GABRA3: variants seen among roughly 807,000 people sequenced by gnomAD.
GABRA3 encodes the protein gamma-aminobutyric acid type A receptor subunit alpha3, also known as gamma-aminobutyric acid receptor subunit alpha-3.
GABRA3 carries 10 observed loss-of-function variants against 30.1 expected under a neutral mutation model. The observed-to-expected ratio is 0.33, with a 90% CI of 0.20 to 0.56. GABRA3 has a LOEUF of 0.56. GABRA3 is among the 20% of genes least tolerant of loss of function. The pLI is 0.89. For synonymous variants in GABRA3, 151 were observed against 146.8 expected (o/e 1.03, Z -0.21); for missense variants, 233 against 392.0 (o/e 0.59, Z 3.42).
intron 2 of GABRA3, 115 bp from the exon 3 acceptor site, chrX:152,345,817 C>G: frequency 1.6e-6 from 1 of 627,395 alleles, no homozygotes; most frequent in South Asian, 4.1e-5. Flanking sequence ...TTACATAGAC[C>G]TATATCTTAT....
At chrX:152,358,022 C>G (rs977417253) in intron 2 of GABRA3, among the ~76,000 whole-genome samples, 2 of 111,056 alleles carry the variant, frequency 1.8e-5, no homozygotes, top group African/African-American at 6.6e-5. Flanking sequence ...TTAGGATTAC[C>G]TTGGCTATTT....
At chrX:152,238,392 T>C (rs1240515550) in intron 5 of GABRA3, among the ~76,000 whole-genome samples, 1 of 104,712 alleles carries the variant, frequency 9.6e-6, no homozygotes, top group Non-Finnish European at 1.9e-5. Flanking sequence ...GGATTCGTTT[T>C]GCCAGTATTT....
intron 6 of GABRA3, among the ~76,000 whole-genome samples, chrX:152,211,955 C>T (rs1336944470): frequency 9.1e-6 from 1 of 110,058 alleles, no homozygotes; most frequent in Non-Finnish European, 1.9e-5. Context: ...TCACTGGAGT[C>T]ACAGGCCAGA....
intron 1 of GABRA3, among the ~76,000 whole-genome samples, chrX:152,397,064 C>T (rs1478515616): frequency 8.9e-6 from 1 of 111,739 alleles, no homozygotes; most frequent in Admixed American, 9.5e-5. Context: ...ATCATGTTAA[C>T]ACAGCATTGG....
Position 152,184,641 on chromosome X carries a change from C to T in GABRA3, c.1143+5089G>A, listed in dbSNP as rs188784354. On this transcript the variant is annotated intron_variant, in intron 9 of 9. Coordinates refer to ENST00000370314, the MANE Select transcript of GABRA3 (RefSeq NM_000808.4). ...TCTAGCGCTTCCTAACACTGAATTTCTCCCGGGTTATGTTTTACTGCAGTT... is the reference window on the plus strand; with the variant it reads ...TCTAGCGCTTCCTAACACTGAATTTTTCCCGGGTTATGTTTTACTGCAGTT... 2.8e-3 allele frequency among the ~76,000 whole-genome samples: 313 copies of T among 111,257 alleles called. 4 individuals carry two copies. Among genetic ancestry groups the T allele is most frequent in the Non-Finnish European group, 2.0e-3 (105 of 52,983 alleles).
At chrX:152,307,797 G>A (rs916534264) in intron 3 of GABRA3, among the ~76,000 whole-genome samples, 9 of 111,656 alleles carry the variant, frequency 8.1e-5, no homozygotes, top group African/African-American at 2.9e-4. Context: ...GCATGGAGTA[G>A]CCCACTCTCG....
At chrX:152,408,731 C>T (rs1929995636) in intron 1 of GABRA3, among the ~76,000 whole-genome samples, 1 of 101,516 alleles carries the variant, frequency 9.9e-6, no homozygotes, top group African/African-American at 3.6e-5. Context: ...TATGGAACCA[C>T]AACCACCAAG....
chrX:152,377,922 G>A (rs1929038795), intron 1 of GABRA3, among the ~76,000 whole-genome samples: 1 of 111,556 alleles, frequency 9.0e-6, no homozygotes, highest in Non-Finnish European at 1.9e-5. Flanking sequence ...GTTTGAACAG[G>A]GCATAGACAA....
intron 1 of GABRA3, among the ~76,000 whole-genome samples, chrX:152,416,105 T>G (rs1930209326): frequency 9.5e-6 from 1 of 105,293 alleles, no homozygotes; most frequent in Non-Finnish European, 2.0e-5. Flanking sequence ...GATGACATGA[T>G]TGTATATCTA....
chrX:152,233,819 G>A (rs1309536924), intron 5 of GABRA3, among the ~76,000 whole-genome samples: 1 of 105,402 alleles, frequency 9.5e-6, no homozygotes, highest in Non-Finnish European at 1.9e-5. Flanking sequence ...ATGATAGACT[G>A]GATTAAGAAA....
At chrX:152,252,783 T>A (rs926940018) in intron 5 of GABRA3, among the ~76,000 whole-genome samples, 5 of 111,374 alleles carry the variant, frequency 4.5e-5, no homozygotes, top group Non-Finnish European at 9.4e-5. Flanking sequence ...ACCCACTCGC[T>A]TCTATGTCAT....
At chrX:152,310,697 AC>A (rs1485179463) in intron 3 of GABRA3, among the ~76,000 whole-genome samples, 3 of 111,603 alleles carry the variant, frequency 2.7e-5, no homozygotes, top group Non-Finnish European at 5.7e-5. Context: ...GAAGAAAAAA[AC>A]AATAACCAAA....
chrX:152,233,169 T>G (rs1482267179), intron 5 of GABRA3, among the ~76,000 whole-genome samples: 2 of 110,218 alleles, frequency 1.8e-5, no homozygotes, highest in African/African-American at 6.6e-5. Flanking sequence ...TTTTTTTTCT[T>G]GTACATTTGT....
At chrX:152,199,064 G>C (rs762830768) in intron 7 of GABRA3, among the ~76,000 whole-genome samples, 1 of 111,548 alleles carries the variant, frequency 9.0e-6, no homozygotes, top group Non-Finnish European at 1.9e-5. Context: ...AGAAGGATAC[G>C]TAAAAAGCAG....
At chrX:152,415,847 C>T (rs1449132278) in intron 1 of GABRA3, among the ~76,000 whole-genome samples, 4 of 110,911 alleles carry the variant, frequency 3.6e-5, no homozygotes, top group South Asian at 3.8e-4. Flanking sequence ...CTCTATTTCA[C>T]TTAAAATGCC....
At chrX:152,289,975 C>T (rs779453660) in intron 3 of GABRA3, among the ~76,000 whole-genome samples, 5 of 111,943 alleles carry the variant, frequency 4.5e-5, no homozygotes, top group Non-Finnish European at 9.4e-5. Context: ...CCACAATAAA[C>T]ATATGTGTGC....
chrX:152,446,299 T>A (rs1831027344), intron 1 of GABRA3, among the ~76,000 whole-genome samples: 1 of 112,002 alleles, frequency 8.9e-6, no homozygotes, highest in African/African-American at 3.2e-5. Context: ...TATGACTACA[T>A]AGTTCAGTGG....
At chrX:152,278,604 T>C (rs1230695543) in intron 4 of GABRA3, among the ~76,000 whole-genome samples, 2 of 111,845 alleles carry the variant, frequency 1.8e-5, no homozygotes, top group Non-Finnish European at 3.8e-5. Context: ...GTATGATGTA[T>C]ATTCCTTTGG....
intron 5 of GABRA3, among the ~76,000 whole-genome samples, chrX:152,233,336 G>A (rs1336366692): frequency 9.0e-6 from 1 of 110,775 alleles, no homozygotes; most frequent in Non-Finnish European, 1.9e-5. Flanking sequence ...GTCAATTTTG[G>A]CTTTTGTTGC....
Sources: gnomAD v4.1 joint callset for allele counts (sites outside exome capture counted in the v4.1 genomes callset) on GRCh38, gnomAD v4.1.1 for gene constraint, MANE v1.5 for transcripts, NCBI Gene and HGNC (gene_info 2026-07-23, HGNC 2026-07-21) for gene names.